The following ZNF385D variants were observed in gnomAD, a reference collection of about 807,000 sequenced individuals.
ZNF385D encodes zinc finger protein 385D.
A neutral mutation model predicts 35.8 loss-of-function variants in ZNF385D; 15 were observed. The observed-to-expected ratio is 0.42, with a 90% CI of 0.28 to 0.64. The LOEUF (loss-of-function observed/expected upper bound fraction) is 0.64, where lower values mean the gene tolerates loss of function less well. ZNF385D is among the 30% of genes least tolerant of loss of function. The pLI, the probability that ZNF385D is intolerant of heterozygous loss-of-function variation, is 0.23. For missense variants in ZNF385D, 474 were observed against 494.6 expected, an observed-to-expected ratio of 0.96 and a Z score of 0.39; for synonymous variants, 212 against 186.8, an observed-to-expected ratio of 1.13 and a Z score of -1.10.
rs146452373 is a variant in ZNF385D, at chr3:21,826,473, G to T, written c.326-161445C>A. On this transcript the variant is annotated intron_variant, in intron 3 of 5. Transcript: ENST00000494108. ...TGGTAAGGCAACACAGAGGGTGATA[G>T]AGTTGTTGATGTCTAAACAATGGCA... Among the ~76,000 whole-genome samples, 822 of 152,278 alleles carry T rather than the reference G, an allele frequency of 5.4e-3. 1 individual carries two copies. The highest frequency in any genetic ancestry group is 0.016 in the East Asian group (83 of 5,156).
chr3:21,968,457 T>C (rs1703036421), intron 3 of ZNF385D, among the ~76,000 whole-genome samples: 1 of 152,008 alleles, frequency 6.6e-6, no homozygotes, highest in Non-Finnish European at 1.5e-5. Context: ...GCTTGAGTCA[T>C]CCCTCCCCCA....
chr3:21,727,945 A>C (rs556715043), intron 1 of ZNF385D, among the ~76,000 whole-genome samples: 1 of 152,322 alleles, frequency 6.6e-6, no homozygotes, highest in African/African-American at 2.4e-5. Flanking sequence ...CTAGATAAAG[A>C]AAATGTGGCC....
At chr3:22,325,624 T>C (rs1356772855) in intron 2 of ZNF385D, among the ~76,000 whole-genome samples, 2 of 152,054 alleles carry the variant, frequency 1.3e-5, no homozygotes, top group African/African-American at 4.8e-5. Context: ...CCGGGCATGG[T>C]GATACAAATC....
intron 3 of ZNF385D, among the ~76,000 whole-genome samples, chr3:21,859,368 C>G (rs1417870597): frequency 6.6e-6 from 1 of 151,260 alleles, no homozygotes; most frequent in Non-Finnish European, 1.5e-5. Context: ...GTGGCTTTAT[C>G]TTTCCTCTTA....
chr3:21,957,947 AACAG>A (rs540844428), intron 3 of ZNF385D, among the ~76,000 whole-genome samples: 155 of 152,218 alleles, frequency 1.0e-3, no homozygotes, highest in Admixed American at 1.8e-3. Flanking sequence ...CATTCAGAAA[AACAG>A]ACAGTACTTG....
chr3:22,333,201 G>A (rs76945180), intron 2 of ZNF385D, among the ~76,000 whole-genome samples: 3,528 of 152,118 alleles, frequency 0.023, 134 homozygotes, highest in African/African-American at 0.081. Flanking sequence ...CCCTTTATAA[G>A]TTTTTCTCAG....
intron 3 of ZNF385D, among the ~76,000 whole-genome samples, chr3:21,547,853 C>T (rs1378884476): frequency 6.6e-6 from 1 of 152,024 alleles, no homozygotes; most frequent in Admixed American, 6.6e-5. Context: ...TCAGGTGGTC[C>T]ACCCCCCTTG....
At chr3:22,124,455 T>C (rs769090451) in intron 3 of ZNF385D, among the ~76,000 whole-genome samples, 4 of 149,062 alleles carry the variant, frequency 2.7e-5, no homozygotes, top group African/African-American at 5.0e-5. Context: ...AGCAGTGGTA[T>C]TGCTGGATCA....
intron 3 of ZNF385D, among the ~76,000 whole-genome samples, chr3:22,077,563 G>T (rs932645027): frequency 9.9e-5 from 15 of 151,948 alleles, no homozygotes; most frequent in African/African-American, 3.4e-4. Flanking sequence ...GTGAGGTTCT[G>T]TATCTAAATG....
chr3:22,153,220 T>C (rs1220728833), intron 3 of ZNF385D, among the ~76,000 whole-genome samples: 1 of 152,126 alleles, frequency 6.6e-6, no homozygotes, highest in African/African-American at 2.4e-5. Flanking sequence ...ACCTCCTGTC[T>C]GCTGATGGTG....
At chr3:21,946,344 G>A (rs932714731) in intron 3 of ZNF385D, among the ~76,000 whole-genome samples, 1 of 152,020 alleles carries the variant, frequency 6.6e-6, no homozygotes, top group Non-Finnish European at 1.5e-5. Flanking sequence ...TGTATATCAT[G>A]TACAAGAAAT....
chr3:22,142,137 A>G (rs1283750453), intron 3 of ZNF385D, among the ~76,000 whole-genome samples: 1 of 152,216 alleles, frequency 6.6e-6, no homozygotes, highest in African/African-American at 2.4e-5. Flanking sequence ...CTAACCCAGG[A>G]TGAAATGTTT....
intron 2 of ZNF385D, among the ~76,000 whole-genome samples, chr3:21,615,505 T>A (rs957372633): frequency 2.0e-5 from 3 of 152,234 alleles, no homozygotes; most frequent in African/African-American, 7.2e-5. Context: ...ATGCTCCATA[T>A]CAAAATGTAA....
intron 3 of ZNF385D, among the ~76,000 whole-genome samples, chr3:21,905,128 T>A (rs1411242250): frequency 1.3e-5 from 2 of 148,794 alleles, no homozygotes; most frequent in Non-Finnish European, 3.0e-5. Context: ...TATAGAATCT[T>A]GGATATTTAC....
chr3:21,574,595 A>G (rs564107173), intron 2 of ZNF385D, among the ~76,000 whole-genome samples: 1 of 152,272 alleles, frequency 6.6e-6, no homozygotes, highest in African/African-American at 2.4e-5. Flanking sequence ...TCGAAAAATC[A>G]TTATCATTAT....
intron 3 of ZNF385D, among the ~76,000 whole-genome samples, chr3:21,873,009 A>G (rs796725053): frequency 5.9e-5 from 9 of 152,286 alleles, no homozygotes; most frequent in African/African-American, 1.9e-4. Context: ...AAGAAAGCAC[A>G]TACCCAGATC....
chr3:21,832,319 T>G (rs998793879), intron 3 of ZNF385D, among the ~76,000 whole-genome samples: 2 of 152,238 alleles, frequency 1.3e-5, no homozygotes, highest in East Asian at 1.9e-4. Context: ...ATCTGCCCGT[T>G]AAGTATTTTA....
chr3:21,974,649 A>G (rs1477126580), intron 3 of ZNF385D, among the ~76,000 whole-genome samples: 2 of 152,206 alleles, frequency 1.3e-5, no homozygotes, highest in African/African-American at 4.8e-5. Flanking sequence ...ACAGAATGGA[A>G]GTAAATATTT....
chr3:22,294,910 A>G (rs1439065749), intron 2 of ZNF385D, among the ~76,000 whole-genome samples: 1 of 152,136 alleles, frequency 6.6e-6, no homozygotes, highest in Non-Finnish European at 1.5e-5. Context: ...ATTAATTCAA[A>G]GGAGTGGGAA....
Sources: gnomAD v4.1 joint callset for allele counts (sites outside exome capture counted in the v4.1 genomes callset) on GRCh38, gnomAD v4.1.1 for gene constraint, MANE v1.5 for transcripts, NCBI Gene and HGNC (gene_info 2026-07-23, HGNC 2026-07-21) for gene names.